Variants in PACS1 observed in about 807,000 individuals in gnomAD.
PACS1 encodes phosphofurin acidic cluster sorting protein 1.
A neutral mutation model predicts 115.0 loss-of-function variants in PACS1; 24 were observed. The observed-to-expected ratio is 0.21, with a 90% CI of 0.15 to 0.29. The LOEUF is 0.29. Among genes scored for constraint, PACS1 ranks in the 10% least tolerant of loss-of-function variants. The pLI is 1.00. For synonymous variants in PACS1, 453 were observed against 504.5 expected, an observed-to-expected ratio of 0.90 and a Z score of 1.37; for missense variants, 838 against 1,251.2, an observed-to-expected ratio of 0.67 and a Z score of 4.98.
At chr11:66,166,292 T>C (rs1859600222) in intron 1 of PACS1, among the ~76,000 whole-genome samples, 2 of 151,836 alleles carry the variant, frequency 1.3e-5, no homozygotes, top group African/African-American at 4.8e-5. Context: ...GGACTACAGG[T>C]GCCCGCCACT....
chr11:66,152,647 G>T (rs571081758), intron 1 of PACS1, among the ~76,000 whole-genome samples: 1 of 152,164 alleles, frequency 6.6e-6, no homozygotes, highest in East Asian at 1.9e-4. Context: ...TGAGTGTGAC[G>T]ATTGGGTGTT....
At chr11:66,149,182 C>A (rs1859184634) in intron 1 of PACS1, among the ~76,000 whole-genome samples, 1 of 150,884 alleles carries the variant, frequency 6.6e-6, no homozygotes, top group South Asian at 2.1e-4. Context: ...GCAACCTCTG[C>A]CTCCTGGATT....
At chr11:66,152,295 C>T (rs1859257980) in intron 1 of PACS1, among the ~76,000 whole-genome samples, 1 of 152,016 alleles carries the variant, frequency 6.6e-6, no homozygotes, top group Non-Finnish European at 1.5e-5. Flanking sequence ...GAATCTGTGC[C>T]GTTGAAGATA....
At chr11:66,207,850 A>G (rs1201478728) in intron 2 of PACS1, among the ~76,000 whole-genome samples, 1 of 151,964 alleles carries the variant, frequency 6.6e-6, no homozygotes, top group Non-Finnish European at 1.5e-5. Flanking sequence ...GCTTATTCCA[A>G]CATCTGCCTC....
chr11:66,159,899 A>T (rs971595535), intron 1 of PACS1, among the ~76,000 whole-genome samples: 2 of 152,238 alleles, frequency 1.3e-5, no homozygotes, highest in African/African-American at 4.8e-5. Flanking sequence ...GGGGTAATTT[A>T]AATGCCCTTT....
chr11:66,153,638 C>T (rs1030372614), intron 1 of PACS1, among the ~76,000 whole-genome samples: 19 of 151,968 alleles, frequency 1.3e-4, no homozygotes, highest in Non-Finnish European at 2.2e-4. Context: ...AAAAATTGCC[C>T]GGCATGGTGG....
At chr11:66,081,453 C>T (rs1857478085) in intron 1 of PACS1, among the ~76,000 whole-genome samples, 1 of 152,106 alleles carries the variant, frequency 6.6e-6, no homozygotes, top group East Asian at 1.9e-4. Context: ...ACAAAACAAA[C>T]AAAACAAACA....
In PACS1 at chr11:66,187,020, G is replaced by A. The variant is rs1015655761; in HGVS notation, c.357-6466G>A. Reference sequence around the variant, plus strand: ...GTGGTCTTTTGGGTCTGGCTCTTCCGGCTCAGTGTAGTGGTTTTGAATCAT... The same window carrying A: ...GTGGTCTTTTGGGTCTGGCTCTTCCAGCTCAGTGTAGTGGTTTTGAATCAT... On this transcript the variant is annotated intron_variant, in intron 1 of 23. Transcript: ENST00000320580. Among the ~76,000 whole-genome samples the A allele has an allele frequency of 2.6e-5, 4 of 152,060 alleles. No homozygotes were observed. The East Asian group carries it at 5.8e-4, about 22-fold the overall frequency.
At chr11:66,227,392 T>C (rs1051735456) in intron 10 of PACS1, 112 bp from the exon 11 acceptor site, 19 of 660,276 alleles carry the variant, frequency 2.9e-5, no homozygotes, top group Non-Finnish European at 4.8e-5. Context: ...CTGAAGATTT[T>C]ATGAGGTTTG....
At chr11:66,108,741 A>C (rs1590749769) in intron 1 of PACS1, among the ~76,000 whole-genome samples, 1 of 152,226 alleles carries the variant, frequency 6.6e-6, no homozygotes, top group Non-Finnish European at 1.5e-5. Flanking sequence ...CTCTAGCCTG[A>C]GTGACAGAGA....
chr11:66,186,866 C>T (rs573182150), intron 1 of PACS1, among the ~76,000 whole-genome samples: 35 of 152,276 alleles, frequency 2.3e-4, no homozygotes, highest in Middle Eastern at 3.4e-3. Flanking sequence ...GTAACGTTGC[C>T]GTTGTTGGCC....
chr11:66,099,016 T>G (rs1590742934), intron 1 of PACS1, among the ~76,000 whole-genome samples: 1 of 152,040 alleles, frequency 6.6e-6, no homozygotes, highest in East Asian at 1.9e-4. Context: ...AATGCCATTG[T>G]TTTTCTTTTC....
chr11:66,158,381 C>A (rs1276275203), intron 1 of PACS1, among the ~76,000 whole-genome samples: 5 of 152,218 alleles, frequency 3.3e-5, no homozygotes, highest in Non-Finnish European at 7.3e-5. Flanking sequence ...AAAAATCTCA[C>A]TAAGTGAAGA....
intron 1 of PACS1, among the ~76,000 whole-genome samples, chr11:66,093,123 C>T (rs1381136067): frequency 1.9e-4 from 29 of 152,186 alleles, no homozygotes; most frequent in Admixed American, 1.8e-3. Context: ...GCCATTTTCA[C>T]GATATTGATT....
chr11:66,117,664 T>C (rs1479837675), intron 1 of PACS1, among the ~76,000 whole-genome samples: 5 of 151,758 alleles, frequency 3.3e-5, no homozygotes, highest in South Asian at 2.1e-4. Flanking sequence ...CTGACCAACA[T>C]GGAGAAACCC....
intron 1 of PACS1, among the ~76,000 whole-genome samples, chr11:66,106,566 C>CAAAAAAAAAACAAAAACAAAAAAA (rs1858044859): frequency 5.3e-5 from 8 of 151,346 alleles, no homozygotes; most frequent in Non-Finnish European, 8.8e-5. Flanking sequence ...GACTCCATCT[C>CAAAAAAAAAACAAAAACAAAAAAA]AAAAAATAAA....
At chr11:66,148,493 G>A (rs972912779) in intron 1 of PACS1, among the ~76,000 whole-genome samples, 1 of 152,174 alleles carries the variant, frequency 6.6e-6, no homozygotes, top group African/African-American at 2.4e-5. Flanking sequence ...AGCACTTTCA[G>A]TTTTAAGAAC....
intron 1 of PACS1, among the ~76,000 whole-genome samples, chr11:66,075,067 C>T (rs568780478): frequency 4.0e-5 from 6 of 151,506 alleles, no homozygotes; most frequent in African/African-American, 9.7e-5. Flanking sequence ...CTCAGCCTCC[C>T]GAGTAGCTGG....
intron 2 of PACS1, among the ~76,000 whole-genome samples, chr11:66,194,480 G>A (rs957893623): frequency 3.9e-5 from 6 of 152,208 alleles, no homozygotes; most frequent in Non-Finnish European, 7.3e-5. Flanking sequence ...CTGAATTATA[G>A]AAGGGCTCAG....
Sources: gnomAD v4.1 joint callset for allele counts (sites outside exome capture counted in the v4.1 genomes callset) on GRCh38, gnomAD v4.1.1 for gene constraint, MANE v1.5 for transcripts, NCBI Gene and HGNC (gene_info 2026-07-23, HGNC 2026-07-21) for gene names.